Variants in PKIB observed in about 807,000 individuals in gnomAD.
PKIB encodes the protein PKI-beta.
Under a neutral mutation model 4.5 loss-of-function variants are expected in PKIB, and 2 were observed. The ratio of observed to expected loss-of-function variants is 0.44; its 90% CI spans 0.18 to 1.39. PKIB has a LOEUF of 1.39. PKIB is among the 40% of genes most tolerant of loss of function. The probability of loss-of-function intolerance (pLI) is 0.27; values close to 1 mark genes in which losing one functional copy is unlikely to be tolerated. For synonymous variants in PKIB, 38 were observed against 36.0 expected (o/e 1.06, Z -0.20); for missense variants, 94 against 92.6 (o/e 1.02, Z -0.06).
chr6:122,526,936 A>G (rs369632159), intron 2 of PKIB, among the ~76,000 whole-genome samples: 2 of 152,200 alleles, frequency 1.3e-5, no homozygotes, highest in Non-Finnish European at 2.9e-5. Flanking sequence ...TACATTAAAA[A>G]TCTGTTGCTA....
chr6:122,478,225 C>T (rs1373856769), intron 2 of PKIB: 1 of 152,148 alleles, frequency 6.6e-6, no homozygotes, highest in Non-Finnish European at 1.5e-5. Context: ...TATGAGCCAA[C>T]CACAGGCCAT....
chr6:122,664,600 T>C (rs1207066503), intron 2 of PKIB, among the ~76,000 whole-genome samples: 1 of 152,038 alleles, frequency 6.6e-6, no homozygotes, highest in Non-Finnish European at 1.5e-5. Flanking sequence ...TTTGTAGAGG[T>C]AAAGTCTCAC....
intron 3 of PKIB, among the ~76,000 whole-genome samples, chr6:122,677,804 T>G (rs940727788): frequency 4.6e-5 from 7 of 152,164 alleles, no homozygotes; most frequent in African/African-American, 1.7e-4. Flanking sequence ...ATTCTGCCAT[T>G]TTAGGAACCT....
intron 2 of PKIB, among the ~76,000 whole-genome samples, chr6:122,651,268 C>T (rs142354514): frequency 3.7e-4 from 56 of 152,264 alleles, no homozygotes; most frequent in African/African-American, 1.2e-3. Flanking sequence ...ACGTATTCCC[C>T]AGATTGTATA....
intron 2 of PKIB, among the ~76,000 whole-genome samples, chr6:122,499,440 CAG>C (rs752368436): frequency 5.9e-5 from 9 of 152,118 alleles, no homozygotes; most frequent in South Asian, 2.1e-4. Context: ...GCCACATAAA[CAG>C]AATTAAAAAC....
intron 2 of PKIB, among the ~76,000 whole-genome samples, chr6:122,494,859 C>T (rs1304312491): frequency 6.6e-6 from 1 of 152,178 alleles, no homozygotes; most frequent in Non-Finnish European, 1.5e-5. Flanking sequence ...TCCACACTTC[C>T]TCCGTGAACC....
Position 122,621,005 on chromosome 6 carries a change from TATTATG to T in PKIB, c.-161+10476_-161+10481del, listed in dbSNP as rs1256153702. On this transcript the variant is annotated intron_variant, in intron 1 of 4. Coordinates refer to ENST00000368452, the MANE Select transcript of PKIB (RefSeq NM_181795.3). ...CATGTCGTTCCCTTGAGTTTCTTGT[TATTATG>T]ATTATAATAAAGGGAGTACAAGCAA... 5.3e-5 allele frequency among the ~76,000 whole-genome samples: 8 copies of T among 152,274 alleles called. No homozygotes were observed. In the East Asian group the frequency reaches 1.5e-3, roughly 29 times the overall value.
intron 2 of PKIB, among the ~76,000 whole-genome samples, chr6:122,654,256 A>G (rs1776682811): frequency 6.6e-6 from 1 of 152,206 alleles, no homozygotes. Flanking sequence ...ATTTCCTCAT[A>G]AAGACAATGT....
At chr6:122,523,515 TGA>T (rs952811371) in intron 2 of PKIB, among the ~76,000 whole-genome samples, 1 of 152,168 alleles carries the variant, frequency 6.6e-6, no homozygotes, top group African/African-American at 2.4e-5. Flanking sequence ...TCATGAGATC[TGA>T]TGGGTTTAAA....
intron 2 of PKIB, among the ~76,000 whole-genome samples, chr6:122,671,034 C>T (rs983352491): frequency 6.6e-6 from 1 of 152,200 alleles, no homozygotes; most frequent in Non-Finnish European, 1.5e-5. Flanking sequence ...TGGCTCACGC[C>T]TGTAATCCCA....
chr6:122,692,951 A>G (rs139041935), intron 3 of PKIB, among the ~76,000 whole-genome samples: 1 of 152,260 alleles, frequency 6.6e-6, no homozygotes, highest in Admixed American at 6.5e-5. Flanking sequence ...AATTATAAAG[A>G]CTATTCAAGT....
chr6:122,611,015 G>GTCACC (rs1774731198), intron 1 of PKIB, among the ~76,000 whole-genome samples: 1 of 152,258 alleles, frequency 6.6e-6, no homozygotes, highest in Non-Finnish European at 1.5e-5. Context: ...CTTTAGCCAA[G>GTCACC]TCACCTCACC....
rs118160815 is a variant in PKIB, at chr6:122,700,704, G to A, written c.-8-17083G>A. Among the ~76,000 whole-genome samples, 738 of 152,270 alleles carry A rather than the reference G, an allele frequency of 4.8e-3. 24 individuals are homozygous for A. In the East Asian group the frequency reaches 0.097, roughly 20 times the overall value. ...TTCTTTCTCTGCACAAATTCCCTGA[G>A]AATATTTTGAGTTTTTAGCTAGGTG... is the stretch of plus-strand genomic sequence containing the variant. On this transcript the variant is annotated intron_variant, in intron 3 of 4. Transcript: ENST00000368452.
chr6:122,685,953 C>T (rs952712806), intron 3 of PKIB, among the ~76,000 whole-genome samples: 1 of 152,180 alleles, frequency 6.6e-6, no homozygotes, highest in African/African-American at 2.4e-5. Context: ...ATAATGTCTT[C>T]CAATTCCATC....
intron 2 of PKIB, among the ~76,000 whole-genome samples, chr6:122,502,963 T>G (rs1278970839): frequency 2.0e-5 from 3 of 152,214 alleles, no homozygotes; most frequent in African/African-American, 7.2e-5. Context: ...CTCACAGTTC[T>G]GGAGCCTGGG....
At chr6:122,720,327 A>T (rs1223818138) in intron 4 of PKIB, among the ~76,000 whole-genome samples, 2 of 152,182 alleles carry the variant, frequency 1.3e-5, no homozygotes, top group African/African-American at 4.8e-5. Flanking sequence ...TAACCATGAT[A>T]AAAAGGTCAA....
chr6:122,661,937 A>T (rs576485508), intron 2 of PKIB, among the ~76,000 whole-genome samples: 33 of 152,234 alleles, frequency 2.2e-4, no homozygotes, highest in Non-Finnish European at 4.0e-4. Flanking sequence ...CAGTTCCCTA[A>T]TAGGGGATAA....
At chr6:122,689,827 A>G (rs1778248223) in intron 3 of PKIB, among the ~76,000 whole-genome samples, 1 of 152,152 alleles carries the variant, frequency 6.6e-6, no homozygotes, top group Non-Finnish European at 1.5e-5. Context: ...TGTCTAGCAG[A>G]TCTGTCCAGT....
chr6:122,584,642 T>C (rs1216315064), intron 2 of PKIB, among the ~76,000 whole-genome samples: 1 of 152,144 alleles, frequency 6.6e-6, no homozygotes, highest in Admixed American at 6.6e-5. Flanking sequence ...TGAAGAAAAA[T>C]TGAATTATAT....
Sources: gnomAD v4.1 joint callset for allele counts (sites outside exome capture counted in the v4.1 genomes callset) on GRCh38, gnomAD v4.1.1 for gene constraint, MANE v1.5 for transcripts, NCBI Gene and HGNC (gene_info 2026-07-23, HGNC 2026-07-21) for gene names.